Variants in SH3RF3 observed in about 807,000 individuals in gnomAD.
SH3RF3 encodes the protein E3 ubiquitin-protein ligase SH3RF3.
Under a neutral mutation model 66.3 loss-of-function variants are expected in SH3RF3, and 29 were observed. That is an observed-to-expected ratio of 0.44 (90% CI 0.33 to 0.60). The LOEUF (loss-of-function observed/expected upper bound fraction) is 0.60, where lower values mean the gene tolerates loss of function less well. Ranked by LOEUF, SH3RF3 falls within the 20% of genes least tolerant of loss-of-function variation. SH3RF3 has a pLI of 0.04. For missense variants in SH3RF3, 1,194 were observed against 1,190.9 expected (o/e 1.00, Z -0.04); for synonymous variants, 583 against 532.0 (o/e 1.10, Z -1.32).
chr2:109,367,909 C>T (rs1185880270), intron 2 of SH3RF3, among the ~76,000 whole-genome samples: 1 of 152,198 alleles, frequency 6.6e-6, no homozygotes, highest in Non-Finnish European at 1.5e-5. Flanking sequence ...ATTTATATCC[C>T]CACCAAAAAT....
intron 8 of SH3RF3, among the ~76,000 whole-genome samples, chr2:109,475,128 C>A (rs1485293100): frequency 6.6e-6 from 1 of 152,180 alleles, no homozygotes. Context: ...CAGGTGCGCA[C>A]CACCACGCCC....
intron 2 of SH3RF3, among the ~76,000 whole-genome samples, chr2:109,351,075 A>C (rs1237752433): frequency 6.6e-6 from 1 of 152,248 alleles, no homozygotes; most frequent in Admixed American, 6.5e-5. Context: ...ATGAATAATC[A>C]GTTTTTGTAA....
intron 8 of SH3RF3, among the ~76,000 whole-genome samples, chr2:109,488,539 T>C (rs1221491139): frequency 6.6e-6 from 1 of 152,136 alleles, no homozygotes; most frequent in East Asian, 1.9e-4. Context: ...TGAACAAGCC[T>C]CCTCACTCCC....
Position 109,347,732 on chromosome 2 carries a change from G to C in SH3RF3, c.632G>C (p.Gly211Ala). 2 of 1,613,936 alleles carry C rather than the reference G, an allele frequency of 1.2e-6. No homozygotes were observed. Among genetic ancestry groups the C allele is most frequent in the Non-Finnish European group, 1.7e-6 (2 of 1,179,860 alleles). The change falls in exon 2 of 10, where the codon GGT (glycine) becomes GCT (alanine). Residue 211 changes from glycine to alanine, a missense_variant. Gly to Ala is a moderately conservative substitution (Grantham distance 60, BLOSUM62 0). Transcript: ENST00000309415. ...ALYSYEGKEP[G>A]DLKFNKGDII... ...TACAGCTACGAGGGGAAGGAACCTG[G>C]TGACCTCAAGTTCAACAAGGGGGAC... is the stretch of plus-strand genomic sequence containing the variant.
intron 1 of SH3RF3, among the ~76,000 whole-genome samples, chr2:109,207,282 G>A (rs1225752543): frequency 1.3e-5 from 2 of 152,020 alleles, no homozygotes; most frequent in Non-Finnish European, 2.9e-5. Context: ...AATCATTAGA[G>A]TAAGCTGTGT....
chr2:109,312,151 T>C (rs1423328894), intron 1 of SH3RF3, among the ~76,000 whole-genome samples: 1 of 152,232 alleles, frequency 6.6e-6, no homozygotes, highest in Non-Finnish European at 1.5e-5. Flanking sequence ...TATTTGGTTA[T>C]TTCAGAACTC....
chr2:109,482,805 G>T (rs1251334669), intron 8 of SH3RF3, among the ~76,000 whole-genome samples: 2 of 152,180 alleles, frequency 1.3e-5, no homozygotes, highest in African/African-American at 4.8e-5. Context: ...ACACGATGCG[G>T]CGGTCACGTC....
chr2:109,215,468 G>A (rs1246828303), intron 1 of SH3RF3, among the ~76,000 whole-genome samples: 1 of 152,078 alleles, frequency 6.6e-6, no homozygotes, highest in Non-Finnish European at 1.5e-5. Flanking sequence ...TACACCATCA[G>A]AACAGGGGTG....
intron 3 of SH3RF3, among the ~76,000 whole-genome samples, chr2:109,383,263 T>C (rs1675742609): frequency 6.6e-6 from 1 of 152,182 alleles, no homozygotes; most frequent in South Asian, 2.1e-4. Flanking sequence ...GAAGAAACCA[T>C]GTCTGATTTT....
intron 1 of SH3RF3, among the ~76,000 whole-genome samples, chr2:109,315,289 A>C (rs1036064497): frequency 1.3e-5 from 2 of 152,182 alleles, no homozygotes; most frequent in Non-Finnish European, 2.9e-5. Context: ...CCAGCAATTT[A>C]ATAGGGCCCT....
chr2:109,309,981 C>G lies in SH3RF3; in HGVS notation c.574-37693C>G, dbSNP rs533303272. On this transcript the variant is annotated intron_variant, in intron 1 of 9. Transcript: ENST00000309415. ...CCCAAGAATTGAACTCAGCTCTGCA[C>G]CAGGTGGACCTAATAGACATCTACA... Among the ~76,000 whole-genome samples, 19 of 126,198 alleles carry G rather than the reference C, an allele frequency of 1.5e-4. 1 individual carries two copies. In the East Asian group the frequency reaches 3.6e-3, roughly 24 times the overall value. 82.8% of individuals were successfully genotyped at this position (126,198 alleles called of 152,430 possible).
intron 1 of SH3RF3, among the ~76,000 whole-genome samples, chr2:109,307,420 A>ACTT (rs1681621610): frequency 1.5e-4 from 19 of 129,116 alleles, no homozygotes; most frequent in Non-Finnish European, 2.7e-4. Flanking sequence ...GATAAGATGC[A>ACTT]CTTTTTTTTT....
At chr2:109,347,607 G>T in intron 1 of SH3RF3, 67 bp from the exon 2 acceptor site, 1 of 1,558,498 alleles carries the variant, frequency 6.4e-7, no homozygotes, top group Non-Finnish European at 8.7e-7. Flanking sequence ...GGCCTGCCCC[G>T]GCAGATCCAC....
chr2:109,153,015 C>G (rs748751369), intron 1 of SH3RF3, among the ~76,000 whole-genome samples: 1 of 152,156 alleles, frequency 6.6e-6, no homozygotes, highest in Non-Finnish European at 1.5e-5. Context: ...CTTAGAAGCA[C>G]GTTTTGATGG....
intron 4 of SH3RF3, among the ~76,000 whole-genome samples, chr2:109,410,394 G>A (rs569504794): frequency 2.0e-5 from 3 of 152,364 alleles, no homozygotes; most frequent in Non-Finnish European, 4.4e-5. Context: ...CTGAGCTCCA[G>A]CCCTGACCTC....
intron 8 of SH3RF3, among the ~76,000 whole-genome samples, chr2:109,450,860 A>T (rs1364810118): frequency 1.3e-5 from 2 of 152,296 alleles, no homozygotes; most frequent in African/African-American, 4.8e-5. Context: ...GATTCTGCAG[A>T]TCTTTTGACA....
chr2:109,420,064 C>G (rs961637030), intron 5 of SH3RF3, among the ~76,000 whole-genome samples: 11 of 152,204 alleles, frequency 7.2e-5, no homozygotes, highest in Non-Finnish European at 1.5e-4. Context: ...TTCTGTGTTT[C>G]AGCCCCCGTC....
chr2:109,449,323 G>A lies in SH3RF3; in HGVS notation c.1982G>A (p.Cys661Tyr). Residue 661 changes from cysteine (C) to tyrosine (Y), a missense_variant, in exon 8 of 10, where the codon TGC becomes TAC. By Grantham distance (194) the Cys-to-Tyr change is radical. Transcript: ENST00000309415. Reference protein sequence around the residue: ...QHSHQPPVQMCPRPAIPLTSA... With the variant: ...QHSHQPPVQMYPRPAIPLTSA... ...AGCCACCAGCCCCCGGTGCAGATGT[G>A]CCCACGGCCGGCCATCCCCCTCACA... 6.2e-7 allele frequency: 1 copy of A among 1,604,630 alleles called. No individual in the cohort carries two copies. Among genetic ancestry groups the A allele is most frequent in the Non-Finnish European group, 8.5e-7 (1 of 1,174,884 alleles).
chr2:109,430,084 G>A (rs1276580907), intron 5 of SH3RF3, among the ~76,000 whole-genome samples: 1 of 152,180 alleles, frequency 6.6e-6, no homozygotes, highest in Admixed American at 6.5e-5. Context: ...GGCGTGTTCT[G>A]AGCCTGCCTT....
Sources: allele counts gnomAD v4.1 joint callset (sites outside exome capture counted in the v4.1 genomes callset), GRCh38; gene constraint gnomAD v4.1.1; transcripts MANE v1.5; gene names NCBI Gene and HGNC (gene_info 2026-07-23, HGNC 2026-07-21).